The following RASGEF1C variants were observed in gnomAD, a reference collection of about 807,000 sequenced individuals.
The protein encoded by RASGEF1C is RasGEF domain family member 1C.
In RASGEF1C, 27 loss-of-function variants were observed where a neutral mutation model predicts 58.1. The ratio of observed to expected loss-of-function variants is 0.46; its 90% CI spans 0.34 to 0.64. The LOEUF (loss-of-function observed/expected upper bound fraction) is 0.64. Ranked by LOEUF, RASGEF1C falls within the 30% of genes least tolerant of loss-of-function variation. The pLI is 0.01. For synonymous variants in RASGEF1C, 243 were observed against 246.3 expected (o/e 0.99, Z 0.13); for missense variants, 502 against 605.1 (o/e 0.83, Z 1.79).
chr5:180,136,322 C>G, intron 4 of RASGEF1C, 56 bp downstream of exon 4: 1 of 1,511,482 alleles, frequency 6.6e-7, no homozygotes, highest in Admixed American at 2.1e-5. Context: ...CGGGAACAGG[C>G]GCAGGCCTGG....
At chr5:180,139,454 G>T (rs1358584812) in intron 1 of RASGEF1C, among the ~76,000 whole-genome samples, 1 of 152,212 alleles carries the variant, frequency 6.6e-6, no homozygotes, top group Non-Finnish European at 1.5e-5. Flanking sequence ...GACGTGGTGG[G>T]TCAGAGCTGA....
Position 180,158,532 on chromosome 5 carries a change from T to G in RASGEF1C, c.-6-20474A>C, listed in dbSNP as rs1766884056. On this transcript the variant is annotated intron_variant, in intron 1 of 13. Transcript: ENST00000361132. The surrounding 1 kb of genome is among the most constrained non-coding windows in gnomAD (Gnocchi z 4.0). ...TTTGTCTTCACAATTTTGAAGGCAT[T>G]GTTTTCTGGCTTCTCTCTTAACTTT... Among the ~76,000 whole-genome samples the G allele has an allele frequency of 6.6e-6, 1 of 152,240 alleles. No homozygotes were observed. The highest frequency in any genetic ancestry group is 1.5e-5 in the Non-Finnish European group (1 of 68,038).
chr5:180,128,089 T>C (rs1452113919), intron 5 of RASGEF1C, among the ~76,000 whole-genome samples: 2 of 152,172 alleles, frequency 1.3e-5, no homozygotes, highest in Non-Finnish European at 2.9e-5. Context: ...TTCTGGGCCT[T>C]AGTTTCCTCT....
chr5:180,127,820 T>C lies in RASGEF1C; in HGVS notation c.640-137A>G, dbSNP rs1323572636. The C allele has an allele frequency of 4.0e-6, 3 of 745,710 alleles. No individual in the cohort carries two copies. The Admixed American group carries it at 9.7e-5, about 24-fold the overall frequency. The allele number at this position is 745,710 out of a possible 1,614,324, so 46.2% of individuals were successfully genotyped here. Reference sequence around the variant, plus strand: ...TGCAACTGCCCTCCCCACTGGGGCTTGGAGACCCTGTTTTAGGTTGTCACA... The same window carrying C: ...TGCAACTGCCCTCCCCACTGGGGCTCGGAGACCCTGTTTTAGGTTGTCACA... On this transcript the variant is annotated intron_variant, in intron 5 of 13. Transcript: ENST00000361132.
Position 180,143,180 on chromosome 5 carries a change from G to A in RASGEF1C, c.-6-5122C>T, listed in dbSNP as rs148073280. ...AGGCAGACAGGGGACAGGATCCCAC[G>A]TGCCACCCTGCAGGGGGGCACTCTG... On this transcript the variant is annotated intron_variant, in intron 1 of 13. Transcript: ENST00000361132. This position sits in a 1 kb window ranked among gnomAD's most constrained non-coding sequence, Gnocchi z 4.3. Among the ~76,000 whole-genome samples, 153 of 152,272 alleles carry A rather than the reference G, an allele frequency of 1.0e-3. No individual in the cohort carries two copies. The highest frequency in any genetic ancestry group is 1.7e-3 in the Non-Finnish European group (117 of 68,012).
At chr5:180,170,291 G>A (rs1269661011) in intron 1 of RASGEF1C, among the ~76,000 whole-genome samples, 1 of 152,100 alleles carries the variant, frequency 6.6e-6, no homozygotes, top group Non-Finnish European at 1.5e-5. Flanking sequence ...AGGTGACCCG[G>A]CTGCTCCCAT....
chr5:180,187,944 G>A (rs1468078279), intron 1 of RASGEF1C, among the ~76,000 whole-genome samples: 4 of 152,176 alleles, frequency 2.6e-5, no homozygotes, highest in African/African-American at 4.8e-5. Flanking sequence ...AGTCAACTAT[G>A]GCATTAGCAA....
At chr5:180,125,660 T>C (rs1329074334) in intron 6 of RASGEF1C, among the ~76,000 whole-genome samples, 1 of 151,920 alleles carries the variant, frequency 6.6e-6, no homozygotes, top group Non-Finnish European at 1.5e-5. Context: ...CGCATGCCTG[T>C]AATCCCAGCT....
intron 1 of RASGEF1C, among the ~76,000 whole-genome samples, chr5:180,192,820 C>G (rs140562226): frequency 6.6e-6 from 1 of 151,586 alleles, no homozygotes; most frequent in Non-Finnish European, 1.5e-5. Flanking sequence ...TCTCGGCTCA[C>G]TGCAAGCTCC....
intron 1 of RASGEF1C, among the ~76,000 whole-genome samples, chr5:180,190,967 A>G (rs1756152524): frequency 6.6e-6 from 1 of 152,244 alleles, no homozygotes; most frequent in Non-Finnish European, 1.5e-5. Flanking sequence ...AATGAACCCA[A>G]TTAAAAATGT....
intron 1 of RASGEF1C, among the ~76,000 whole-genome samples, chr5:180,139,163 C>G (rs1766536126): frequency 6.6e-6 from 1 of 152,170 alleles, no homozygotes; most frequent in Non-Finnish European, 1.5e-5. Flanking sequence ...GCAGGGAGCC[C>G]ATGCTTACTC....
rs1394775269 is a variant in RASGEF1C at position 180,136,531 on chromosome 5, G to A, written c.301-16C>T. On this transcript the variant is annotated splice_polypyrimidine_tract_variant and intron_variant, in intron 3 of 13. Coordinates refer to ENST00000361132, the MANE Select transcript of RASGEF1C (RefSeq NM_175062.4). ...GGACCCGGGCCTACGGGCAAGCGAG[G>A]GGCACCGCGCTCGTGAGGGGCGCCG... is the stretch of plus-strand genomic sequence containing the variant. 17 of 1,568,500 alleles carry A rather than the reference G, an allele frequency of 1.1e-5. No homozygotes were observed. The Admixed American group carries it at 2.4e-4, about 22-fold the overall frequency.
At position 180,121,681 on chromosome 5, in the gene RASGEF1C, A is replaced by ACACACC. The variant is rs71892414; in HGVS notation, c.715-533_715-532insGGTGTG. On this transcript the variant is annotated intron_variant, in intron 6 of 13. Coordinates refer to ENST00000361132, the MANE Select transcript of RASGEF1C (RefSeq NM_175062.4). ...CACACACACACACACACACACACAC[A>ACACACC]CCCTCATTATTCCTGGATCCTGTAT... is the stretch of plus-strand genomic sequence containing the variant. Among the ~76,000 whole-genome samples the ACACACC allele has an allele frequency of 2.8e-3, 204 of 73,502 alleles. 1 individual carries two copies. The highest frequency in any genetic ancestry group is 6.1e-3 in the African/African-American group (179 of 29,486). 48.2% of individuals were successfully genotyped at this position (73,502 alleles called of 152,430 possible).
chr5:180,113,443 A>C (rs371000261), intron 11 of RASGEF1C, among the ~76,000 whole-genome samples: 7 of 38,700 alleles, frequency 1.8e-4, no homozygotes, highest in Admixed American at 2.8e-4. Flanking sequence ...GGGATCCGGG[A>C]TGGACGGAGG....
At chr5:180,122,277 A>G (rs1483060843) in intron 6 of RASGEF1C, among the ~76,000 whole-genome samples, 1 of 152,312 alleles carries the variant, frequency 6.6e-6, no homozygotes, top group African/African-American at 2.4e-5. Flanking sequence ...AGCTGTGTGT[A>G]TGCATGCATC....
intron 3 of RASGEF1C, chr5:180,136,906 G>T: frequency 4.7e-6 from 1 of 211,374 alleles, no homozygotes. Context: ...CGTGACCTAG[G>T]ATACGCCAAT....
chr5:180,110,392 C>CT lies in RASGEF1C; in HGVS notation c.1303+1064dup, dbSNP rs67020657. On this transcript the variant is annotated intron_variant, in intron 12 of 13. Coordinates refer to ENST00000361132, the MANE Select transcript of RASGEF1C (RefSeq NM_175062.4). Reference sequence around the variant, plus strand: ...CAAAATCATTAAAAGATCCTTCTCCCTTTTTTTTTTTTTTTTTGGAGAAAG... The same window carrying CT: ...CAAAATCATTAAAAGATCCTTCTCCCTTTTTTTTTTTTTTTTTTGGAGAAAG... Among the ~76,000 whole-genome samples the CT allele has an allele frequency of 2.8e-3, 366 of 132,246 alleles. 17 individuals are homozygous for CT. The highest frequency in any genetic ancestry group is 4.0e-3 in the Non-Finnish European group (255 of 63,900). The allele number at this position is 132,246 out of a possible 152,430, so 86.8% of individuals were successfully genotyped here.
chr5:180,138,135 C>A, intron 1 of RASGEF1C, 77 bp from the exon 2 acceptor site: 1 of 915,308 alleles, frequency 1.1e-6, no homozygotes, highest in South Asian at 2.0e-5. Flanking sequence ...AGCTGCTGGT[C>A]CCGGGGCTCC....
rs375430679 is a variant in RASGEF1C at position 180,186,736 on chromosome 5, C to T, written c.-7+22292G>A. Reference sequence around the variant, plus strand: ...ATCCCAGGACTTTGGGAGGCCAAGGCGGGCTGGATCAGTTGAGGTCAGAGT... The same window carrying T: ...ATCCCAGGACTTTGGGAGGCCAAGGTGGGCTGGATCAGTTGAGGTCAGAGT... On this transcript the variant is annotated intron_variant, in intron 1 of 13. Coordinates refer to ENST00000361132, the MANE Select transcript of RASGEF1C (RefSeq NM_175062.4). 4.6e-5 allele frequency among the ~76,000 whole-genome samples: 7 copies of T among 152,250 alleles called. No individual in the cohort carries two copies. In the East Asian group the frequency reaches 5.8e-4, roughly 13 times the overall value.
Sources: gnomAD v4.1 joint callset for allele counts (sites outside exome capture counted in the v4.1 genomes callset) on GRCh38, gnomAD v4.1.1 for gene constraint, Gnocchi (gnomAD v3.1) non-coding constraint, MANE v1.5 for transcripts, NCBI Gene and HGNC (gene_info 2026-07-23, HGNC 2026-07-21) for gene names.